The following AP2S1 variants were observed in gnomAD, a reference collection of about 807,000 sequenced individuals.
The protein encoded by AP2S1 is adaptor related protein complex 2 subunit sigma 1, also known as AP-2 complex subunit sigma.
A neutral mutation model predicts 21.0 loss-of-function variants in AP2S1; 6 were observed. The observed-to-expected ratio is 0.29, with a 90% CI of 0.16 to 0.56. The LOEUF is 0.56. AP2S1 is among the 20% of genes least tolerant of loss of function. The pLI is 0.92. For synonymous variants in AP2S1, 63 were observed against 74.6 expected (o/e 0.84, Z 0.80); for missense variants, 60 against 186.2 (o/e 0.32, Z 3.95).
chr19:46,839,861 G>C (rs542043719), intron 2 of AP2S1, among the ~76,000 whole-genome samples: 2 of 152,216 alleles, frequency 1.3e-5, no homozygotes, highest in East Asian at 1.9e-4. Context: ...CCTGGAGGAG[G>C]GGGTATCGGA....
At chr19:46,846,451 T>G (rs1406166613) in intron 1 of AP2S1, among the ~76,000 whole-genome samples, 4 of 146,124 alleles carry the variant, frequency 2.7e-5, no homozygotes, top group African/African-American at 5.1e-5. Flanking sequence ...GTTTTTTTTT[T>G]TTTTTTTTTT....
In AP2S1 at chr19:46,838,987, T is replaced by C. The variant is rs539207024; in HGVS notation, c.268-188A>G. 6.6e-6 allele frequency among the ~76,000 whole-genome samples: 1 copy of C among 151,402 alleles called. No homozygotes were observed. Among genetic ancestry groups the C allele is most frequent in the East Asian group, 1.9e-4 (1 of 5,142 alleles). ...AGAGAGAAACAAAAGCAAAGATCGA[T>C]GCAAAGAGATGGCAAAAGGTCAGGC... On this transcript the variant is annotated intron_variant, in intron 3 of 4. Transcript: ENST00000263270. This position sits in a 1 kb window ranked among gnomAD's most constrained non-coding sequence, Gnocchi z 4.1.
At chr19:46,843,150 C>T (rs563108743) in intron 2 of AP2S1, among the ~76,000 whole-genome samples, 7 of 152,240 alleles carry the variant, frequency 4.6e-5, no homozygotes, top group East Asian at 1.9e-4. Context: ...ATCTAATTGT[C>T]GCCCTGGCTC....
chr19:46,850,025 A>T, intron 1 of AP2S1: 1 of 981,782 alleles, frequency 1.0e-6, no homozygotes, highest in Non-Finnish European at 1.3e-6. Flanking sequence ...CCCAACAAAG[A>T]TTCCTCCCCA....
chr19:46,838,301 T>G lies in AP2S1; in HGVS notation c.*146A>C. The G allele has an allele frequency of 2.9e-6, 2 of 696,170 alleles. No homozygotes were observed. The highest frequency in any genetic ancestry group is 4.9e-6 in the Non-Finnish European group (2 of 404,654). The allele number at this position is 696,170 out of a possible 1,614,324, so 43.1% of individuals were successfully genotyped here. A position where few individuals can be genotyped will look rare whatever the true frequency, so the allele number is the denominator to read the frequency against. ...AGGGCCCAGAGGCAGTGGGGTGCAG[T>G]CTCCTCCCTTGTGGCCCAGACCCAG... On this transcript the variant is annotated 3_prime_UTR_variant, in exon 5 of 5. Transcript: ENST00000263270. This position sits in a 1 kb window ranked among gnomAD's most constrained non-coding sequence, Gnocchi z 4.1.
At chr19:46,839,740 A>C in intron 2 of AP2S1, 162 bp from the exon 3 acceptor site, 1 of 1,238,042 alleles carries the variant, frequency 8.1e-7, no homozygotes, top group Non-Finnish European at 1.1e-6. Context: ...GACAGCCCTA[A>C]CCCTGCTCAC....
rs777377293 is a variant in AP2S1, at chr19:46,846,158, G to A, written c.4-16C>T. On this transcript the variant is annotated splice_polypyrimidine_tract_variant and intron_variant, in intron 1 of 4. Transcript: ENST00000263270. The stretch of plus-strand genomic sequence containing the variant: ...TAAAGCGGATCTGGGGGCAGCAGGA[G>A]GAGAAGGAGGAAGTGAGAGAGGCAG... The A allele has an allele frequency of 3.2e-5, 51 of 1,613,712 alleles. No individual in the cohort carries two copies. The highest frequency in any genetic ancestry group is 4.2e-5 in the Non-Finnish European group (49 of 1,179,838).
At chr19:46,840,658 G>A (rs990694606) in intron 2 of AP2S1, among the ~76,000 whole-genome samples, 1 of 151,204 alleles carries the variant, frequency 6.6e-6, no homozygotes, top group Admixed American at 6.6e-5. Flanking sequence ...GCAGCTCTAG[G>A]TCTGGGGTGT....
chr19:46,844,729 A>C (rs2055590950), intron 2 of AP2S1, among the ~76,000 whole-genome samples: 1 of 152,078 alleles, frequency 6.6e-6, no homozygotes, highest in South Asian at 2.1e-4. Context: ...GAACATAGGA[A>C]GTCAAGGCTG....
chr19:46,841,554 C>T (rs895318224), intron 2 of AP2S1, among the ~76,000 whole-genome samples: 2 of 152,188 alleles, frequency 1.3e-5, no homozygotes, highest in Admixed American at 1.3e-4. Flanking sequence ...CCCACCCCTG[C>T]CCTGCCCCAG....
chr19:46,840,367 CAAAA>C (rs60907407), intron 2 of AP2S1, among the ~76,000 whole-genome samples: 4 of 100,426 alleles, frequency 4.0e-5, no homozygotes, highest in East Asian at 5.5e-4. Context: ...AGGTTCATTA[CAAAA>C]AAAAAAAAAA....
chr19:46,850,139 G>A, intron 1 of AP2S1: 2 of 1,232,066 alleles, frequency 1.6e-6, no homozygotes, highest in East Asian at 3.2e-5. Flanking sequence ...CTTACCTCCA[G>A]GTCCTCTCTC....
intron 2 of AP2S1, 90 bp downstream of exon 2, chr19:46,845,903 A>T: frequency 1.3e-6 from 2 of 1,558,058 alleles, no homozygotes; most frequent in Non-Finnish European, 1.8e-6. Flanking sequence ...AGAGGGTCCA[A>T]GGGGTTCTTG....
chr19:46,839,083 G>C (rs535011129), intron 3 of AP2S1, among the ~76,000 whole-genome samples: 10 of 151,742 alleles, frequency 6.6e-5, no homozygotes, highest in African/African-American at 2.4e-4. Context: ...AGTTAGGAGT[G>C]CAAGACCAGC....
chr19:46,850,003 T>C (rs942420999), intron 1 of AP2S1: 6 of 812,428 alleles, frequency 7.4e-6, no homozygotes, highest in Middle Eastern at 4.2e-4. Flanking sequence ...AAATCCAATG[T>C]TGAGTCTTTG....
chr19:46,839,286 C>CAAAAAAAAAAAAAAAAAAAAAAAAA (rs771792607), intron 3 of AP2S1, among the ~76,000 whole-genome samples, 179 bp downstream of exon 3: 3 of 72,922 alleles, frequency 4.1e-5, no homozygotes, highest in African/African-American at 1.0e-4. Flanking sequence ...GACTCCGTCT[C>CAAAAAAAAAAAAAAAAAAAAAAAAA]AAAAAAAAAA....
chr19:46,849,537 C>G (rs2055699203), intron 1 of AP2S1, among the ~76,000 whole-genome samples: 1 of 152,162 alleles, frequency 6.6e-6, no homozygotes, highest in Non-Finnish European at 1.5e-5. Flanking sequence ...GTTAGGAGAA[C>G]TAGAAGCAAA....
intron 2 of AP2S1, among the ~76,000 whole-genome samples, chr19:46,845,190 CA>C (rs1325617064): frequency 6.7e-6 from 1 of 149,922 alleles, no homozygotes; most frequent in Non-Finnish European, 1.5e-5. Context: ...GGGTGGATTA[CA>C]AGGTCAGGAG....
chr19:46,838,298 C>A lies in AP2S1; in HGVS notation c.*149G>T. On this transcript the variant is annotated 3_prime_UTR_variant, in exon 5 of 5. Coordinates refer to ENST00000263270, the MANE Select transcript of AP2S1 (RefSeq NM_004069.6). This position sits in a 1 kb window ranked among gnomAD's most constrained non-coding sequence, Gnocchi z 4.1. ...GCCAGGGCCCAGAGGCAGTGGGGTG[C>A]AGTCTCCTCCCTTGTGGCCCAGACC... The A allele has an allele frequency of 1.5e-6, 1 of 676,164 alleles. No individual in the cohort carries two copies. The highest frequency in any genetic ancestry group is 1.8e-5 in the South Asian group (1 of 55,934). The allele number at this position is 676,164 out of a possible 1,614,324, so 41.9% of individuals were successfully genotyped here. A position where few individuals can be genotyped will look rare whatever the true frequency, so the allele number is the denominator to read the frequency against.
Sources: gnomAD v4.1 joint callset for allele counts (sites outside exome capture counted in the v4.1 genomes callset) on GRCh38, gnomAD v4.1.1 for gene constraint, Gnocchi (gnomAD v3.1) non-coding constraint, MANE v1.5 for transcripts, NCBI Gene and HGNC (gene_info 2026-07-23, HGNC 2026-07-21) for gene names.